Variants in GPHN observed in about 807,000 individuals in gnomAD.
GPHN encodes gephyrin.
Under a neutral mutation model 95.5 loss-of-function variants are expected in GPHN, and 17 were observed. That is an observed-to-expected ratio of 0.18 (90% confidence interval 0.12 to 0.27). The LOEUF (loss-of-function observed/expected upper bound fraction) is 0.27, where lower values mean the gene tolerates loss of function less well. GPHN is among the 10% of genes least tolerant of loss of function. The pLI is 1.00. For missense variants in GPHN, 660 were observed against 978.1 expected (o/e 0.67, Z 4.34); for synonymous variants, 320 against 322.5 (o/e 0.99, Z 0.08).
the GPHN span, among the ~76,000 whole-genome samples, chr14:67,703,064 C>T: frequency 1.3e-5 from 2 of 152,182 alleles, no homozygotes; most frequent in Admixed American, 6.5e-5. Flanking sequence ...AAATGATCCT[C>T]CTACCTTGGC....
chr14:66,873,486 A>T (rs2063526867), intron 4 of GPHN, among the ~76,000 whole-genome samples: 1 of 152,216 alleles, frequency 6.6e-6, no homozygotes, highest in Non-Finnish European at 1.5e-5. Context: ...CCACCCACAC[A>T]GAACCCAGCA....
intron 1 of GPHN, among the ~76,000 whole-genome samples, chr14:66,662,231 A>G (rs2153376352): frequency 6.6e-6 from 1 of 152,170 alleles, no homozygotes; most frequent in South Asian, 2.1e-4. Context: ...CCTCCCAACC[A>G]GTGTCTCCAG....
At chr14:66,741,264 A>T (rs2072766977) in intron 2 of GPHN, among the ~76,000 whole-genome samples, 2 of 152,202 alleles carry the variant, frequency 1.3e-5, no homozygotes, top group African/African-American at 4.8e-5. Context: ...AATATTTATG[A>T]GATAAATATA....
chr14:67,679,370 T>C, the GPHN span, among the ~76,000 whole-genome samples: 3 of 152,080 alleles, frequency 2.0e-5, no homozygotes, highest in African/African-American at 7.2e-5. Flanking sequence ...AAGTGTTTCA[T>C]ATACCCTCTC....
chr14:66,655,841 T>C lies in GPHN; in HGVS notation c.65-25266T>C, dbSNP rs2065275193. ...GAATTTTGTGAAATGCTTTCCCGCA[T>C]TGATTCTATAATCATGTGATTGTGT... is the stretch of plus-strand genomic sequence containing the variant. On this transcript the variant is annotated intron_variant, in intron 1 of 22. Coordinates refer to ENST00000478722, the MANE Select transcript of GPHN (RefSeq NM_020806.5). 2.0e-5 allele frequency among the ~76,000 whole-genome samples: 3 copies of C among 152,146 alleles called. No individual in the cohort carries two copies. In the South Asian group the frequency reaches 6.2e-4, roughly 31 times the overall value.
At chr14:67,324,783 G>A in the GPHN span, among the ~76,000 whole-genome samples, 42 of 151,240 alleles carry the variant, frequency 2.8e-4, no homozygotes, top group East Asian at 1.9e-3. Context: ...ACAGGGTCTC[G>A]CTATGTTGCC....
chr14:67,522,764 G>A, the GPHN span, among the ~76,000 whole-genome samples: 2 of 152,270 alleles, frequency 1.3e-5, no homozygotes, highest in South Asian at 2.1e-4. Flanking sequence ...AGCCTGGAGC[G>A]GGTGGTGAGG....
chr14:67,084,844 C>A (rs1245945605), intron 11 of GPHN, among the ~76,000 whole-genome samples: 1 of 152,180 alleles, frequency 6.6e-6, no homozygotes, highest in Non-Finnish European at 1.5e-5. Context: ...GCAACATGAT[C>A]TGCAAAAGCA....
chr14:66,840,360 C>A (rs1004306182), intron 4 of GPHN, among the ~76,000 whole-genome samples: 5 of 152,010 alleles, frequency 3.3e-5, no homozygotes, highest in African/African-American at 7.3e-5. Context: ...TTACCATGGA[C>A]AATAGTAGCA....
At chr14:67,040,161 A>G (rs926016927) in intron 10 of GPHN, among the ~76,000 whole-genome samples, 2 of 152,170 alleles carry the variant, frequency 1.3e-5, no homozygotes, top group African/African-American at 4.8e-5. Context: ...GATGAAAGTG[A>G]TTTTTGAAAT....
intron 1 of GPHN, among the ~76,000 whole-genome samples, chr14:66,525,416 C>T (rs1019925942): frequency 2.6e-5 from 4 of 152,152 alleles, no homozygotes; most frequent in Non-Finnish European, 5.9e-5. Context: ...GAGTAGATTG[C>T]AAAAACTTTC....
intron 8 of GPHN, among the ~76,000 whole-genome samples, chr14:66,926,946 G>C (rs1402914950): frequency 6.6e-6 from 1 of 152,090 alleles, no homozygotes; most frequent in Non-Finnish European, 1.5e-5. Flanking sequence ...CTTCATCATA[G>C]AAATCTTTTA....
chr14:66,529,544 G>A (rs1051187114), intron 1 of GPHN, among the ~76,000 whole-genome samples: 2 of 152,072 alleles, frequency 1.3e-5, no homozygotes, highest in Admixed American at 6.6e-5. Context: ...GAGAAGAGAC[G>A]TTCTGGTTTT....
the GPHN span, among the ~76,000 whole-genome samples, chr14:67,252,930 C>T: frequency 1.3e-5 from 2 of 152,222 alleles, no homozygotes; most frequent in South Asian, 4.1e-4. Flanking sequence ...GGAAATCTAA[C>T]ACTTTCACAT....
At chr14:66,583,703 C>T (rs1028978898) in intron 1 of GPHN, among the ~76,000 whole-genome samples, 85 of 152,028 alleles carry the variant, frequency 5.6e-4, no homozygotes, top group African/African-American at 1.9e-3. Flanking sequence ...TGTAGATATG[C>T]GGCATTATTT....
chr14:67,698,518 G>A, the GPHN span, among the ~76,000 whole-genome samples: 2 of 152,128 alleles, frequency 1.3e-5, no homozygotes, highest in African/African-American at 2.4e-5. Flanking sequence ...GTAGAGGGAG[G>A]GGAGCCCAAA....
chr14:67,624,298 T>C, the GPHN span, among the ~76,000 whole-genome samples: 1 of 152,214 alleles, frequency 6.6e-6, no homozygotes, highest in South Asian at 2.1e-4. Flanking sequence ...AAATACTGTA[T>C]AGTGACACCA....
chr14:67,175,484 T>TGTA (rs1221928404), intron 21 of GPHN, among the ~76,000 whole-genome samples: 1 of 152,194 alleles, frequency 6.6e-6, no homozygotes, highest in Non-Finnish European at 1.5e-5. Context: ...ACTATAGCAT[T>TGTA]GTAGTATAGT....
the GPHN span, among the ~76,000 whole-genome samples, chr14:67,676,453 C>A: frequency 6.6e-6 from 1 of 152,058 alleles, no homozygotes; most frequent in Admixed American, 6.5e-5. Flanking sequence ...AGCCTGGGGC[C>A]GGGTGCTGCG....
Sources: allele counts gnomAD v4.1 joint callset (sites outside exome capture counted in the v4.1 genomes callset), GRCh38; gene constraint gnomAD v4.1.1; transcripts MANE v1.5; gene names NCBI Gene and HGNC (gene_info 2026-07-23, HGNC 2026-07-21).